Variants in SYNE2 observed in about 807,000 individuals in gnomAD.
SYNE2 encodes the protein spectrin repeat containing nuclear envelope protein 2.
SYNE2 carries 431 observed loss-of-function variants against 856.3 expected under a neutral mutation model. That is an observed-to-expected ratio of 0.50 (90% CI 0.47 to 0.55). SYNE2 has a LOEUF of 0.55. SYNE2 is among the 20% of genes least tolerant of loss of function. The probability of loss-of-function intolerance (pLI) is 0.00; values close to 1 mark genes in which losing one functional copy is unlikely to be tolerated. For missense variants in SYNE2, 8,129 were observed against 8,023.2 expected (o/e 1.01, Z -0.50); for synonymous variants, 2,923 against 2,872.3 (o/e 1.02, Z -0.56).
At chr14:64,034,097 T>C (rs1338506524) in intron 45 of SYNE2, among the ~76,000 whole-genome samples, 1 of 152,224 alleles carries the variant, frequency 6.6e-6, no homozygotes, top group Non-Finnish European at 1.5e-5. Flanking sequence ...ATGCTTAGAC[T>C]AATAAAGTAC....
At chr14:64,184,383 G>T (rs1178206303) in intron 96 of SYNE2, among the ~76,000 whole-genome samples, 4 of 148,370 alleles carry the variant, frequency 2.7e-5, no homozygotes, top group Non-Finnish European at 6.0e-5. Context: ...AACATGGTGA[G>T]TGTTAGAGGG....
intron 1 of SYNE2, among the ~76,000 whole-genome samples, chr14:63,788,642 A>G (rs1887627860): frequency 6.6e-6 from 1 of 152,160 alleles, no homozygotes; most frequent in South Asian, 2.1e-4. Flanking sequence ...GCCTTAACTC[A>G]GAAGGAGGGG....
upstream of SYNE2, among the ~76,000 whole-genome samples, chr14:63,850,452 A>T (rs1348679361): frequency 6.6e-6 from 1 of 152,024 alleles, no homozygotes; most frequent in East Asian, 1.9e-4. Flanking sequence ...ACGCATGGCC[A>T]GGTTCATGGC....
At chr14:63,921,485 A>G (rs2095600288) in intron 2 of SYNE2, among the ~76,000 whole-genome samples, 1 of 152,206 alleles carries the variant, frequency 6.6e-6, no homozygotes, top group Non-Finnish European at 1.5e-5. Context: ...GCAGAGCTTG[A>G]GAAGGGATGT....
At chr14:63,848,877 A>C (rs944336215), upstream of SYNE2, among the ~76,000 whole-genome samples, 1 of 152,190 alleles carries the variant, frequency 6.6e-6, no homozygotes, top group African/African-American at 2.4e-5. Flanking sequence ...GAATCATGGC[A>C]TCTTCCTTTT....
intron 45 of SYNE2, among the ~76,000 whole-genome samples, chr14:64,032,389 C>T (rs2097046514): frequency 6.6e-6 from 1 of 151,926 alleles, no homozygotes; most frequent in Admixed American, 6.6e-5. Context: ...AGAACCCTGT[C>T]TCTACCAAAA....
chr14:63,764,271 C>T (rs1044345992), intron 1 of SYNE2, among the ~76,000 whole-genome samples: 3 of 152,230 alleles, frequency 2.0e-5, no homozygotes, highest in East Asian at 1.9e-4. Flanking sequence ...TGTTTGTATC[C>T]GTGAAAGTCC....
At chr14:63,906,073 G>A (rs777229223) in intron 1 of SYNE2, among the ~76,000 whole-genome samples, 1 of 152,042 alleles carries the variant, frequency 6.6e-6, no homozygotes, top group Non-Finnish European at 1.5e-5. Context: ...TATGGTTTTT[G>A]CTTTTAATTC....
At position 64,113,542 on chromosome 14, in the gene SYNE2, G is replaced by T; in HGVS notation, c.12811G>T (p.Val4271Leu). Residue 4271 changes from valine (V) to leucine (L), a missense_variant, in exon 66 of 116, where the codon GTG (valine) becomes TTG (leucine). By Grantham distance (32) the Val-to-Leu change is conservative. Around this residue, in one of 3 missense-constraint regions of SYNE2, gnomAD observed 5,410 missense variants for 5,284.8 expected, o/e 1.02. Transcript: ENST00000555002. ...AACATTAAACGCAGACATGCAGCAG[G>T]TGCTGGAACAGCAGCTGGTAGGGTG... ...PETLNADMQQ[V>L]LEQQLVGCQA... The T allele has an allele frequency of 6.2e-7, 1 of 1,612,324 alleles. No individual in the cohort carries two copies. Among genetic ancestry groups the T allele is most frequent in the Non-Finnish European group, 8.5e-7 (1 of 1,179,110 alleles).
At chr14:63,890,844 G>A (rs2095114670) in intron 1 of SYNE2, among the ~76,000 whole-genome samples, 1 of 152,154 alleles carries the variant, frequency 6.6e-6, no homozygotes, top group Admixed American at 6.5e-5. Flanking sequence ...GACAAGCTTT[G>A]CTTTTTTGGA....
At chr14:64,139,827 T>C (rs1218972868) in intron 79 of SYNE2, 114 bp from the exon 80 acceptor site, 8 of 1,028,308 alleles carry the variant, frequency 7.8e-6, no homozygotes, top group Non-Finnish European at 1.2e-5. Flanking sequence ...TTCTGAATGT[T>C]AGGACTGATC....
chr14:64,106,058 AAAAAAGAAAGAAAG>A (rs1269809949), intron 64 of SYNE2, among the ~76,000 whole-genome samples: 5 of 151,822 alleles, frequency 3.3e-5, no homozygotes, highest in Non-Finnish European at 7.4e-5. Context: ...TCAAAAAAAA[AAAAAAGAAAGAAAG>A]AAAAAGAAAG....
At chr14:64,174,825 C>T in intron 94 of SYNE2, 119 bp from the exon 95 acceptor site, 1 of 911,948 alleles carries the variant, frequency 1.1e-6, no homozygotes, top group Non-Finnish European at 1.7e-6. Flanking sequence ...CCCAATTTGT[C>T]TAATTTATAT....
At chr14:64,223,516 C>T in intron 113 of SYNE2, 136 bp downstream of exon 113, 2 of 856,858 alleles carry the variant, frequency 2.3e-6, no homozygotes, top group South Asian at 1.5e-5. Context: ...ATGTCGTGCC[C>T]TTTTTCTAGC....
intron 73 of SYNE2, among the ~76,000 whole-genome samples, 179 bp from the exon 74 acceptor site, chr14:64,128,270 GGAA>G (rs2097970324): frequency 1.3e-5 from 2 of 152,100 alleles, no homozygotes; most frequent in Non-Finnish European, 2.9e-5. Context: ...GGATGTAGAG[GGAA>G]GAAGGTCAGC....
At chr14:64,207,471 G>C (rs535492534) in intron 100 of SYNE2, among the ~76,000 whole-genome samples, 1 of 151,488 alleles carries the variant, frequency 6.6e-6, no homozygotes, top group African/African-American at 2.4e-5. Context: ...TGATGTGGGA[G>C]GATCACTTGA....
At chr14:64,217,424 G>C (rs938115829) in intron 108 of SYNE2, among the ~76,000 whole-genome samples, 2 of 152,230 alleles carry the variant, frequency 1.3e-5, no homozygotes, top group African/African-American at 4.8e-5. Context: ...GCAGCAGCGA[G>C]AGAAATTAAG....
chr14:63,799,851 T>A (rs1205744589), intron 1 of SYNE2, among the ~76,000 whole-genome samples: 1 of 152,222 alleles, frequency 6.6e-6, no homozygotes, highest in Non-Finnish European at 1.5e-5. Context: ...TTAAATTCTT[T>A]TAGCCCTGGG....
At chr14:63,815,320 A>G (rs1888935230) in intron 1 of SYNE2, among the ~76,000 whole-genome samples, 1 of 150,124 alleles carries the variant, frequency 6.7e-6, no homozygotes, top group African/African-American at 2.4e-5. Context: ...GGCCGTCTGC[A>G]AGCTGAGGAG....
Sources: gnomAD v4.1 joint callset for allele counts (sites outside exome capture counted in the v4.1 genomes callset) on GRCh38, gnomAD v4.1.1 for gene constraint, gnomAD v4.1.1 regional missense constraint, MANE v1.5 for transcripts, NCBI Gene and HGNC (gene_info 2026-07-23, HGNC 2026-07-21) for gene names.